Variants in CEP104 observed in about 807,000 individuals in gnomAD.
CEP104 encodes centrosomal protein 104.
CEP104 carries 84 observed loss-of-function variants against 113.3 expected under a neutral mutation model. The ratio of observed to expected loss-of-function variants is 0.74; its 90% CI spans 0.62 to 0.89. The LOEUF (loss-of-function observed/expected upper bound fraction) is 0.89. Among genes scored for constraint, CEP104 ranks in the 40% least tolerant of loss-of-function variants. CEP104 has a pLI of 0.00. For synonymous variants in CEP104, 378 were observed against 421.7 expected, an observed-to-expected ratio of 0.90 and a Z score of 1.27; for missense variants, 1,053 against 1,156.6, an observed-to-expected ratio of 0.91 and a Z score of 1.30.
In CEP104 at chr1:3,815,454, G is replaced by C. The variant is rs1643866381; in HGVS notation, c.2726C>G (p.Thr909Ser). The C allele has an allele frequency of 6.2e-7, 1 of 1,613,388 alleles. No homozygotes were observed. Among genetic ancestry groups the C allele is most frequent in the Non-Finnish European group, 8.5e-7 (1 of 1,179,858 alleles). Residue 909 changes from threonine to serine, a missense_variant, in exon 22 of 22, where the codon ACC becomes AGC. Coordinates refer to ENST00000378230, the MANE Select transcript of CEP104 (RefSeq NM_014704.4). ...GCTCTTGCTCAGTCCGCCCTTCGGG[G>C]TGGGGATCTTGCTTCCGGCCTTTGA... ...LGSKAGSKIP[T>S]PKGGLSKSSS...
Position 3,819,382 on chromosome 1 carries a change from G to A in CEP104, c.2572-3012C>T, listed in dbSNP as rs1166573829. Among the ~76,000 whole-genome samples the A allele has an allele frequency of 2.6e-5, 4 of 152,154 alleles. No homozygotes were observed. Among genetic ancestry groups the A allele is most frequent in the African/African-American group, 9.7e-5 (4 of 41,430 alleles). On this transcript the variant is annotated intron_variant, in intron 20 of 21. Transcript: ENST00000378230. This position sits in a 1 kb window ranked among gnomAD's most constrained non-coding sequence, Gnocchi z 4.6. The stretch of plus-strand genomic sequence containing the variant: ...TTTGGGTGATGGAAAAGTTCCACAC[G>A]TGTGCAGATGGTTGCAGAACCCTGA...
chr1:3,828,391 T>C (rs1368911280), intron 15 of CEP104, among the ~76,000 whole-genome samples: 1 of 152,238 alleles, frequency 6.6e-6, no homozygotes, highest in Non-Finnish European at 1.5e-5. Context: ...CTTTTCTGAT[T>C]GTGACTCTGA....
chr1:3,838,412 A>C (rs1358488586), intron 8 of CEP104, among the ~76,000 whole-genome samples: 1 of 151,932 alleles, frequency 6.6e-6, no homozygotes, highest in Admixed American at 6.6e-5. Flanking sequence ...TGGCCTCCCA[A>C]AGTGATGGGA....
In CEP104 at chr1:3,843,404, TCTCA is replaced by T. The variant is rs1221903164; in HGVS notation, c.566+1499_566+1502del. 18 of 493,622 alleles carry T rather than the reference TCTCA, an allele frequency of 3.6e-5. No individual in the cohort carries two copies. The East Asian group carries it at 5.6e-4, about 15-fold the overall frequency. 30.6% of individuals were successfully genotyped at this position (493,622 alleles called of 1,614,324 possible). ...TTTTTTTTTTTTTTTTGAGACAGGG[TCTCA>T]CTCTGTCACCCAGGCTGGAATACAG... On this transcript the variant is annotated intron_variant, in intron 6 of 21. Transcript: ENST00000378230.
chr1:3,843,445 C>T (rs1390644801), intron 6 of CEP104: 36 of 457,278 alleles, frequency 7.9e-5, no homozygotes, highest in African/African-American at 1.3e-4. Context: ...GGCATGATCT[C>T]GGCTCAAGCG....
Position 3,829,880 on chromosome 1 carries a change from C to A in CEP104, c.1954G>T (p.Asp652Tyr). The change falls in exon 14 of 22, where the codon GAC becomes TAC. Residue 652 changes from aspartate (D) to tyrosine (Y), a missense_variant. Asp to Tyr is a radical substitution (Grantham distance 160). Coordinates refer to ENST00000378230, the MANE Select transcript of CEP104 (RefSeq NM_014704.4). ...ASILEYLPPDDSNTRRNILYK... is the reference protein window; with the variant it reads ...ASILEYLPPDYSNTRRNILYK... ...AGAATGTTCCTGCGTGTGTTGCTGT[C>A]GTCTGGAGGAAGGTACTCCAGGATG... 6.2e-7 allele frequency: 1 copy of A among 1,614,100 alleles called. No homozygotes were observed. Among genetic ancestry groups the A allele is most frequent in the South Asian group, 1.1e-5 (1 of 91,054 alleles).
At chr1:3,845,992 T>C (rs538603500) in intron 4 of CEP104, among the ~76,000 whole-genome samples, 3 of 151,442 alleles carry the variant, frequency 2.0e-5, no homozygotes, top group South Asian at 2.1e-4. Context: ...GGCAGGAGAA[T>C]TGTTTGAACC....
intron 6 of CEP104, among the ~76,000 whole-genome samples, chr1:3,840,529 C>T (rs147549015): frequency 1.3e-4 from 20 of 152,190 alleles, no homozygotes; most frequent in Admixed American, 9.2e-4. Flanking sequence ...TGAGCCACTG[C>T]GCCCAGCCTG....
At position 3,836,476 on chromosome 1, in the gene CEP104, T is replaced by TG. The variant is rs1557677847; in HGVS notation, c.1317+18_1317+19insC. 2 of 1,444,002 alleles carry TG rather than the reference T, an allele frequency of 1.4e-6. No individual in the cohort carries two copies. Among genetic ancestry groups the TG allele is most frequent in the Admixed American group, 2.5e-5 (1 of 40,640 alleles). 89.4% of individuals were successfully genotyped at this position (1,444,002 alleles called of 1,614,324 possible). On this transcript the variant is annotated intron_variant, in intron 10 of 21. Coordinates refer to ENST00000378230, the MANE Select transcript of CEP104 (RefSeq NM_014704.4). Reference sequence around the variant, plus strand: ...CTCCCCTCTGCCACCCCGTTTTTTTTTTTTTTTTTTTTTTTTACCAAGGTT... The same window carrying TG: ...CTCCCCTCTGCCACCCCGTTTTTTTTGTTTTTTTTTTTTTTTTACCAAGGTT...
intron 8 of CEP104, among the ~76,000 whole-genome samples, chr1:3,838,319 T>C (rs140971162): frequency 3.6e-4 from 55 of 152,264 alleles, no homozygotes; most frequent in South Asian, 8.3e-4. Flanking sequence ...GGCCTGGCTA[T>C]TACTTACTTT....
rs559083271 is a variant in CEP104 at position 3,812,857 on chromosome 1, C to CAAAACA, written c.*2539_*2544dup. 4 of 151,636 alleles carry CAAAACA rather than the reference C, an allele frequency of 2.6e-5. No homozygotes were observed. Among genetic ancestry groups the CAAAACA allele is most frequent in the Non-Finnish European group, 4.4e-5 (3 of 67,928 alleles). The allele number at this position is 151,636 out of a possible 1,614,324, so 9.4% of individuals were successfully genotyped here. A position where few individuals can be genotyped will look rare whatever the true frequency, so the allele number is the denominator to read the frequency against. On this transcript the variant is annotated 3_prime_UTR_variant, in exon 22 of 22. Transcript: ENST00000378230. ...TCCGTCTCAAACCCCACCACCCCCG[C>CAAAACA]AAAACAAAAACAAAAACAAAAAAAC... is the stretch of plus-strand genomic sequence containing the variant.
chr1:3,831,026 C>A lies in CEP104; in HGVS notation c.1836+20G>T. ...GTGAGTGCTGGGCCGCGTGGTGTGT[C>A]ACACGCGAGGTCTGCTTACCTTCAT... On this transcript the variant is annotated intron_variant, in intron 13 of 21. Transcript: ENST00000378230. 1 of 1,607,468 alleles carries A rather than the reference C, an allele frequency of 6.2e-7. No homozygotes were observed. Among genetic ancestry groups the A allele is most frequent in the Non-Finnish European group, 8.5e-7 (1 of 1,176,048 alleles).
At position 3,839,006 on chromosome 1, in the gene CEP104, C is replaced by T. The variant is rs1557680823; in HGVS notation, c.849G>A (p.Val283=). 6.2e-7 allele frequency: 1 copy of T among 1,614,184 alleles called. No individual in the cohort carries two copies. Among genetic ancestry groups the T allele is most frequent in the East Asian group, 2.2e-5 (1 of 44,874 alleles). Residue 283 remains valine, a synonymous_variant, in exon 8 of 22, where the codon GTG becomes GTA. Transcript: ENST00000378230. ...KQQMEQYRAE[V]YEQLELHSLL... is the part of the protein sequence containing the mutation. ...GGCTGTGCAGCTCCAGCTGCTCGTA[C>T]ACCTCGGCACGATACTGCTCCATCT...
In CEP104 at chr1:3,855,177, T is replaced by A. The variant is rs1460424216; in HGVS notation, c.-15+1712A>T. ...GTGGCCAATAAGCCCAGCCCCGATT[T>A]TTTTTTTTTTTTTTTTTTTAATACA... On this transcript the variant is annotated intron_variant, in intron 1 of 21. Transcript: ENST00000378230. 3.1e-4 allele frequency among the ~76,000 whole-genome samples: 6 copies of A among 19,426 alleles called. No homozygotes were observed. The Admixed American group carries it at 4.8e-3, about 15-fold the overall frequency. 12.7% of individuals were successfully genotyped at this position (19,426 alleles called of 152,430 possible).
intron 4 of CEP104, among the ~76,000 whole-genome samples, chr1:3,846,479 G>C (rs1467275849): frequency 6.6e-6 from 1 of 152,084 alleles, no homozygotes; most frequent in Non-Finnish European, 1.5e-5. Flanking sequence ...TAAATGCAGG[G>C]CACATATATT....
intron 1 of CEP104, among the ~76,000 whole-genome samples, chr1:3,852,739 T>C (rs575894585): frequency 2.5e-3 from 380 of 152,236 alleles, no homozygotes; most frequent in Non-Finnish European, 4.5e-3. Flanking sequence ...GAGACCTCAT[T>C]TGAAAATAGG....
At chr1:3,831,325 G>A in intron 12 of CEP104, 103 bp from the exon 13 acceptor site, 1 of 978,384 alleles carries the variant, frequency 1.0e-6, no homozygotes, top group Non-Finnish European at 1.6e-6. Flanking sequence ...GGAAAAACAG[G>A]GAAATACAGA....
chr1:3,827,382 GT>G (rs965355819), intron 15 of CEP104, among the ~76,000 whole-genome samples: 14 of 149,788 alleles, frequency 9.3e-5, no homozygotes, highest in African/African-American at 2.5e-4. Context: ...GTCTGGCTAA[GT>G]TTTTTTTTTA....
rs1291171431 is a variant in CEP104, at chr1:3,852,277, G to A, written c.113+18C>T. 8.1e-6 allele frequency: 13 copies of A among 1,602,036 alleles called. No homozygotes were observed. The highest frequency in any genetic ancestry group is 1.7e-5 in the Admixed American group (1 of 59,328). ...GAGGCTGCCTCCCAGCCCAAGCCCCGCCCCGTCCAGTCCTCACCTAGGTGA... is the reference window on the plus strand; with the variant it reads ...GAGGCTGCCTCCCAGCCCAAGCCCCACCCCGTCCAGTCCTCACCTAGGTGA... On this transcript the variant is annotated intron_variant, in intron 2 of 21. Coordinates refer to ENST00000378230, the MANE Select transcript of CEP104 (RefSeq NM_014704.4).
Sources: allele counts gnomAD v4.1 joint callset (sites outside exome capture counted in the v4.1 genomes callset), GRCh38; gene constraint gnomAD v4.1.1; non-coding constraint Gnocchi (gnomAD v3.1); transcripts MANE v1.5; gene names NCBI Gene and HGNC (gene_info 2026-07-23, HGNC 2026-07-21).